STOX1: variants seen among roughly 807,000 people sequenced by gnomAD.
The protein encoded by STOX1 is storkhead box 1.
Under a neutral mutation model 74.8 loss-of-function variants are expected in STOX1, and 57 were observed. The observed-to-expected ratio is 0.76, with a 90% CI of 0.62 to 0.95. The LOEUF (loss-of-function observed/expected upper bound fraction) is 0.95, where lower values mean the gene tolerates loss of function less well. Ranked by LOEUF, STOX1 falls within the 40% of genes least tolerant of loss-of-function variation. The pLI is 0.00. For synonymous variants in STOX1, 375 were observed against 401.3 expected (o/e 0.93, Z 0.78); for missense variants, 1,010 against 1,117.0 (o/e 0.90, Z 1.37).
intron 3 of STOX1, among the ~76,000 whole-genome samples, chr10:68,889,122 A>T (rs942379883): frequency 6.6e-6 from 1 of 151,822 alleles, no homozygotes; most frequent in Non-Finnish European, 1.5e-5. Context: ...CTTGGATTAT[A>T]GGCACATGCT....
chr10:68,881,903 A>G, intron 1 of STOX1, 55 bp from the exon 2 acceptor site: 1 of 1,602,086 alleles, frequency 6.2e-7, no homozygotes, highest in Non-Finnish European at 8.5e-7. Flanking sequence ...CAAACATTTT[A>G]TACTATATCA....
intron 1 of STOX1, among the ~76,000 whole-genome samples, chr10:68,861,310 C>G (rs1359406957): frequency 6.6e-6 from 1 of 152,126 alleles, no homozygotes; most frequent in Non-Finnish European, 1.5e-5. Context: ...TTCAGAAGAA[C>G]AAAGGGACAG....
At chr10:68,881,623 G>A (rs1840814750) in intron 1 of STOX1, among the ~76,000 whole-genome samples, 1 of 152,096 alleles carries the variant, frequency 6.6e-6, no homozygotes, top group Admixed American at 6.5e-5. Flanking sequence ...TTTGAAAGAT[G>A]GTAAACTGCT....
chr10:68,849,937 G>A (rs2133533176), intron 1 of STOX1, among the ~76,000 whole-genome samples: 1 of 152,204 alleles, frequency 6.6e-6, no homozygotes, highest in South Asian at 2.1e-4. Flanking sequence ...GGTAATTGTG[G>A]GTCATGTAAA....
At chr10:68,837,122 C>T (rs1478403839) in intron 1 of STOX1, among the ~76,000 whole-genome samples, 2 of 152,154 alleles carry the variant, frequency 1.3e-5, no homozygotes, top group African/African-American at 2.4e-5. Context: ...TCAAGGAGCT[C>T]ATAGTCTAGG....
At chr10:68,837,014 C>T (rs780574394) in intron 1 of STOX1, among the ~76,000 whole-genome samples, 12 of 152,328 alleles carry the variant, frequency 7.9e-5, no homozygotes, top group African/African-American at 2.2e-4. Context: ...GCTGCCCTTG[C>T]GCTTGCAGTC....
At chr10:68,860,249 C>G (rs2133557629) in intron 1 of STOX1, among the ~76,000 whole-genome samples, 1 of 149,602 alleles carries the variant, frequency 6.7e-6, no homozygotes, top group African/African-American at 2.5e-5. Context: ...GCCTCGGTGA[C>G]AGAGCAAGAC....
intron 1 of STOX1, among the ~76,000 whole-genome samples, chr10:68,871,554 A>C (rs1003134484): frequency 1.3e-5 from 2 of 152,224 alleles, no homozygotes; most frequent in African/African-American, 4.8e-5. Flanking sequence ...CTAGGAGTTA[A>C]AAATAAACAT....
At chr10:68,881,426 G>C (rs1840810722) in intron 1 of STOX1, among the ~76,000 whole-genome samples, 1 of 152,100 alleles carries the variant, frequency 6.6e-6, no homozygotes, top group Non-Finnish European at 1.5e-5. Flanking sequence ...AAATCTTCCT[G>C]ATCATCCCAA....
chr10:68,828,267 T>C, intron 1 of STOX1: 1 of 1,099,910 alleles, frequency 9.1e-7, no homozygotes, highest in Non-Finnish European at 1.1e-6. Context: ...ATCAGGGCGG[T>C]GGGTGAGTGC....
At chr10:68,891,861 T>C (rs549465181) in intron 3 of STOX1, among the ~76,000 whole-genome samples, 98 of 151,878 alleles carry the variant, frequency 6.5e-4, no homozygotes, top group Non-Finnish European at 1.2e-3. Context: ...ACTCTGTTGC[T>C]GAGGCTGGAG....
intron 1 of STOX1, among the ~76,000 whole-genome samples, chr10:68,850,606 A>G (rs1839959185): frequency 6.6e-6 from 1 of 152,254 alleles, no homozygotes; most frequent in African/African-American, 2.4e-5. Context: ...GGATTAGGGC[A>G]ATATTTCCCA....
At position 68,884,391 on chromosome 10, in the gene STOX1, A is replaced by G; in HGVS notation, c.595A>G (p.Thr199Ala). The G allele has an allele frequency of 6.2e-7, 1 of 1,614,112 alleles. No homozygotes were observed. The highest frequency in any genetic ancestry group is 1.6e-4 in the Middle Eastern group (1 of 6,062). The part of the protein sequence containing the change: ...PQTYFITNTT[T>A]QENKRMLPSD... The stretch of plus-strand genomic sequence containing the variant: ...GACTTACTTCATTACAAATACAACC[A>G]CCCAGGAAAATAAGAGAATGCTGCC... The change falls in exon 3 of 4, where the codon ACC becomes GCC. Residue 199 changes from threonine (T) to alanine (A), a missense_variant. Physicochemically the swap from Thr to Ala is moderately conservative, Grantham distance 58 (BLOSUM62 0). Coordinates refer to ENST00000298596, the MANE Select transcript of STOX1 (RefSeq NM_152709.5).
intron 1 of STOX1, among the ~76,000 whole-genome samples, chr10:68,849,311 A>G (rs1163178): frequency 0.14 from 20,875 of 152,164 alleles, 2,036 homozygotes; most frequent in African/African-American, 0.28. Flanking sequence ...AGTCTGTGGC[A>G]TAGATGTGTT....
In STOX1 at chr10:68,832,656, T is replaced by A. The variant is rs1839439575; in HGVS notation, c.310+4723T>A. Reference sequence around the variant, plus strand: ...TCCAGCCTGGGCAACAGAGGGAAAATGTCTTAAAAAAAAAAAAAAAAGAAA... The same window carrying A: ...TCCAGCCTGGGCAACAGAGGGAAAAAGTCTTAAAAAAAAAAAAAAAAGAAA... On this transcript the variant is annotated intron_variant, in intron 1 of 3. Coordinates refer to ENST00000298596, the MANE Select transcript of STOX1 (RefSeq NM_152709.5). Among the ~76,000 whole-genome samples the A allele has an allele frequency of 1.5e-4, 15 of 100,220 alleles. No individual in the cohort carries two copies. In the South Asian group the frequency reaches 5.5e-3, roughly 37 times the overall value. 65.7% of individuals were successfully genotyped at this position (100,220 alleles called of 152,430 possible). A position where few individuals can be genotyped will look rare whatever the true frequency, so the allele number is the denominator to read the frequency against.
intron 1 of STOX1, among the ~76,000 whole-genome samples, chr10:68,866,198 C>G (rs1840400416): frequency 6.6e-6 from 1 of 152,058 alleles, no homozygotes; most frequent in African/African-American, 2.4e-5. Context: ...GTTGAATAGT[C>G]CCAGGTTGTC....
chr10:68,845,354 AC>A (rs548295569), intron 1 of STOX1, among the ~76,000 whole-genome samples: 230 of 148,016 alleles, frequency 1.6e-3, no homozygotes, highest in African/African-American at 5.6e-3. Flanking sequence ...GCTCACTGCA[AC>A]CTCTGCCTCC....
At chr10:68,872,391 G>A in intron 1 of STOX1, among the ~76,000 whole-genome samples, 2 of 140,822 alleles carry the variant, frequency 1.4e-5, no homozygotes, top group Non-Finnish European at 3.0e-5. Flanking sequence ...TGTCATCCAG[G>A]CTGGAGTGCA....
intron 3 of STOX1, among the ~76,000 whole-genome samples, chr10:68,892,236 T>G (rs1444892731): frequency 1.3e-5 from 2 of 152,124 alleles, no homozygotes; most frequent in Non-Finnish European, 2.9e-5. Context: ...CCATATGATT[T>G]CTCATAAAAG....
Sources: gnomAD v4.1 joint callset for allele counts (sites outside exome capture counted in the v4.1 genomes callset) on GRCh38, gnomAD v4.1.1 for gene constraint, MANE v1.5 for transcripts, NCBI Gene and HGNC (gene_info 2026-07-23, HGNC 2026-07-21) for gene names.